Variants in ARID1B observed in about 807,000 individuals in gnomAD.
ARID1B encodes AT-rich interaction domain 1B.
Under a neutral mutation model 212.3 loss-of-function variants are expected in ARID1B, and 30 were observed. The observed-to-expected ratio is 0.14, with a 90% CI of 0.11 to 0.19. ARID1B has a LOEUF of 0.19. ARID1B is among the 10% of genes least tolerant of loss of function. The pLI is 1.00. For synonymous variants in ARID1B, 1,402 were observed against 1,301.7 expected (o/e 1.08, Z -1.66); for missense variants, 2,891 against 3,204.0 (o/e 0.90, Z 2.36).
At chr6:157,141,506 G>T (rs1308420221) in intron 7 of ARID1B, among the ~76,000 whole-genome samples, 1 of 152,172 alleles carries the variant, frequency 6.6e-6, no homozygotes, top group South Asian at 2.1e-4. Context: ...CGGTAAGTCA[G>T]CTTTCATTTT....
At chr6:156,975,506 T>C (rs1299956490) in intron 4 of ARID1B, among the ~76,000 whole-genome samples, 1 of 152,104 alleles carries the variant, frequency 6.6e-6, no homozygotes, top group Non-Finnish European at 1.5e-5. Flanking sequence ...AGTCCAACTT[T>C]ACCATTTTTA....
At chr6:157,131,003 CACAGCTCCATCTA>C (rs1788507674) in intron 6 of ARID1B, among the ~76,000 whole-genome samples, 1 of 152,170 alleles carries the variant, frequency 6.6e-6, no homozygotes, top group African/African-American at 2.4e-5. Flanking sequence ...ATGAGTATTT[CACAGCTCCATCTA>C]TGAACTCGCT....
intron 5 of ARID1B, among the ~76,000 whole-genome samples, chr6:157,087,956 C>A (rs1017879182): frequency 6.6e-6 from 1 of 152,198 alleles, no homozygotes; most frequent in Admixed American, 6.5e-5. Flanking sequence ...ACACTTAGCC[C>A]CTGCTTCTCT....
At chr6:156,882,992 A>G (rs987559051) in intron 2 of ARID1B, among the ~76,000 whole-genome samples, 2 of 152,208 alleles carry the variant, frequency 1.3e-5, no homozygotes, top group Non-Finnish European at 2.9e-5. Flanking sequence ...GAAAAGAGGG[A>G]GAGTTCGCTG....
Position 156,778,144 on chromosome 6 carries a change from T to C in ARID1B, c.464T>C (p.Val155Ala), listed in dbSNP as rs1272998963. 3 of 1,539,280 alleles carry C rather than the reference T, an allele frequency of 1.9e-6. No homozygotes were observed. Among genetic ancestry groups the C allele is most frequent in the Admixed American group, 3.9e-5 (2 of 50,890 alleles). Reference sequence around the variant, plus strand: ...CTCCCCAACCACAAACTGAAAACCGTTGGCGAAGCCCCCGCCGCGCCGCCC... The same window carrying C: ...CTCCCCAACCACAAACTGAAAACCGCTGGCGAAGCCCCCGCCGCGCCGCCC... ...GLLPNHKLKTVGEAPAAPPHQ... is the reference protein window; with the variant it reads ...GLLPNHKLKTAGEAPAAPPHQ... Residue 155 changes from valine (V) to alanine (A), a missense_variant, in exon 1 of 20, where the codon GTT becomes GCT. Coordinates refer to ENST00000636930, the MANE Select transcript of ARID1B (RefSeq NM_001374828.1).
intron 5 of ARID1B, among the ~76,000 whole-genome samples, chr6:157,089,496 A>AT (rs774061445): frequency 2.6e-5 from 4 of 152,060 alleles, no homozygotes; most frequent in African/African-American, 7.2e-5. Flanking sequence ...CAGAATGGAG[A>AT]TTTTTTATGT....
intron 7 of ARID1B, among the ~76,000 whole-genome samples, chr6:157,142,121 A>G (rs930809498): frequency 1.3e-5 from 2 of 152,214 alleles, no homozygotes; most frequent in Non-Finnish European, 2.9e-5. Flanking sequence ...ACGAAAGCCT[A>G]TACTGTGTGA....
At chr6:156,889,179 T>C (rs9480402) in intron 2 of ARID1B, among the ~76,000 whole-genome samples, 17,463 of 152,264 alleles carry the variant, frequency 0.11, 1,200 homozygotes, top group East Asian at 0.3. Flanking sequence ...ACCAAGTTTA[T>C]ATACACTGGA....
chr6:157,069,505 A>G, intron 4 of ARID1B, among the ~76,000 whole-genome samples: 1 of 152,214 alleles, frequency 6.6e-6, no homozygotes, highest in East Asian at 1.9e-4. Context: ...TGCTTCAGAA[A>G]TGTTCTCTGG....
chr6:157,200,500 T>C lies in ARID1B; in HGVS notation c.4480-205T>C, dbSNP rs980636558. On this transcript the variant is annotated intron_variant, in intron 17 of 19. Transcript: ENST00000636930. This position sits in a 1 kb window ranked among gnomAD's most constrained non-coding sequence, Gnocchi z 4.3. ...GTTTCAAACACGTGAAAACAAACTT[T>C]GGATGCTCTCTCCTCAGTGTGTGAC... Among the ~76,000 whole-genome samples, 3 of 152,150 alleles carry C rather than the reference T, an allele frequency of 2.0e-5. No individual in the cohort carries two copies. Among genetic ancestry groups the C allele is most frequent in the African/African-American group, 7.2e-5 (3 of 41,440 alleles).
chr6:157,031,078 A>G (rs1403634841), intron 4 of ARID1B, among the ~76,000 whole-genome samples: 1 of 151,666 alleles, frequency 6.6e-6, no homozygotes, highest in African/African-American at 2.4e-5. Flanking sequence ...TTTTCTTAAG[A>G]GTTCTATGTT....
chr6:156,798,142 T>G lies in ARID1B; in HGVS notation c.1791+18671T>G, dbSNP rs574585190. ...GAAGAGGAGCGGGGTGTTTGATGTG[T>G]TGTTCTTTTGCTGGAAGAGGGTGGA... On this transcript the variant is annotated intron_variant, in intron 1 of 19. Transcript: ENST00000636930. 1.7e-4 allele frequency among the ~76,000 whole-genome samples: 26 copies of G among 152,298 alleles called. 1 individual carries two copies. Among genetic ancestry groups the G allele is most frequent in the South Asian group, 1.0e-3 (5 of 4,830 alleles).
chr6:157,158,947 C>G (rs563301938), intron 8 of ARID1B, among the ~76,000 whole-genome samples: 3 of 152,248 alleles, frequency 2.0e-5, no homozygotes, highest in Non-Finnish European at 4.4e-5. Flanking sequence ...CTGTATGGAT[C>G]TAGCTTCACC....
At chr6:156,954,304 T>C (rs1793798655) in intron 4 of ARID1B, among the ~76,000 whole-genome samples, 1 of 152,110 alleles carries the variant, frequency 6.6e-6, no homozygotes, top group Non-Finnish European at 1.5e-5. Context: ...TCACATGAGA[T>C]AGTAAAGGAA....
At chr6:157,041,612 A>G (rs1423099746) in intron 4 of ARID1B, among the ~76,000 whole-genome samples, 1 of 152,196 alleles carries the variant, frequency 6.6e-6, no homozygotes, top group Non-Finnish European at 1.5e-5. Context: ...CCACTCTCAT[A>G]TGAGACGTGG....
At chr6:156,915,458 C>T (rs1273033025) in intron 3 of ARID1B, among the ~76,000 whole-genome samples, 1 of 151,672 alleles carries the variant, frequency 6.6e-6, no homozygotes. Context: ...GTCTCAGCTA[C>T]TCAGGAGGCT....
At chr6:156,848,495 T>C (rs543269983) in intron 2 of ARID1B, among the ~76,000 whole-genome samples, 2 of 152,384 alleles carry the variant, frequency 1.3e-5, no homozygotes, top group East Asian at 1.9e-4. Context: ...TACCCACTTT[T>C]ATCAGCTTTC....
intron 4 of ARID1B, among the ~76,000 whole-genome samples, chr6:157,040,190 G>A (rs1045559936): frequency 6.6e-5 from 10 of 152,186 alleles, no homozygotes; most frequent in Admixed American, 2.6e-4. Context: ...TGCCCGCCTC[G>A]GCCTCCCAAA....
At chr6:156,839,675 C>T (rs1335338127) in intron 2 of ARID1B, among the ~76,000 whole-genome samples, 1 of 152,162 alleles carries the variant, frequency 6.6e-6, no homozygotes, top group Non-Finnish European at 1.5e-5. Flanking sequence ...CCTTAGTCTT[C>T]ATGGCATCTG....
Sources: allele counts gnomAD v4.1 joint callset (sites outside exome capture counted in the v4.1 genomes callset), GRCh38; gene constraint gnomAD v4.1.1; non-coding constraint Gnocchi (gnomAD v3.1); transcripts MANE v1.5; gene names NCBI Gene and HGNC (gene_info 2026-07-23, HGNC 2026-07-21).